Variants in SMAP1 observed in about 807,000 individuals in gnomAD.
The protein encoded by SMAP1 is small ArfGAP 1, also known as stromal membrane-associated protein 1.
SMAP1 carries 24 observed loss-of-function variants against 58.5 expected under a neutral mutation model. The observed-to-expected ratio is 0.41, with a 90% CI of 0.30 to 0.58. The LOEUF (loss-of-function observed/expected upper bound fraction) is 0.58, where lower values mean the gene tolerates loss of function less well. Ranked by LOEUF, SMAP1 falls within the 20% of genes least tolerant of loss-of-function variation. The pLI is 0.29. For synonymous variants in SMAP1, 216 were observed against 196.6 expected, an observed-to-expected ratio of 1.10 and a Z score of -0.82; for missense variants, 563 against 566.3, an observed-to-expected ratio of 0.99 and a Z score of 0.06.
intron 1 of SMAP1, among the ~76,000 whole-genome samples, chr6:70,714,017 G>C (rs897992433): frequency 1.3e-5 from 2 of 152,158 alleles, no homozygotes; most frequent in Non-Finnish European, 2.9e-5. Flanking sequence ...TCTAGAGACA[G>C]TTTTTGACTT....
chr6:70,800,169 G>C (rs1768782977), intron 6 of SMAP1, among the ~76,000 whole-genome samples: 1 of 151,998 alleles, frequency 6.6e-6, no homozygotes, highest in Non-Finnish European at 1.5e-5. Flanking sequence ...GTAGTCCCCA[G>C]CTACTTGGGA....
chr6:70,780,000 A>G (rs1315310639), intron 4 of SMAP1, among the ~76,000 whole-genome samples: 1 of 152,168 alleles, frequency 6.6e-6, no homozygotes, highest in Non-Finnish European at 1.5e-5. Flanking sequence ...TTATAGTGGC[A>G]AGTGAGTTGA....
chr6:70,675,989 A>G (rs1036021779), intron 1 of SMAP1, among the ~76,000 whole-genome samples: 3 of 152,334 alleles, frequency 2.0e-5, no homozygotes, highest in South Asian at 4.1e-4. Context: ...CAGTCTCCCT[A>G]ATAACCTTTG....
intron 6 of SMAP1, among the ~76,000 whole-genome samples, chr6:70,820,309 A>G (rs1207754380): frequency 6.6e-6 from 1 of 152,198 alleles, no homozygotes; most frequent in Admixed American, 6.5e-5. Flanking sequence ...GGTAATAGTC[A>G]TAATTGATGT....
intron 2 of SMAP1, among the ~76,000 whole-genome samples, chr6:70,744,744 C>A (rs566797572): frequency 1.3e-5 from 2 of 152,328 alleles, no homozygotes; most frequent in South Asian, 4.1e-4. Flanking sequence ...TGGGGAATTG[C>A]CACACTGTCT....
Position 70,837,078 on chromosome 6 carries a change from A to G in SMAP1, c.664+50A>G, listed in dbSNP as rs746871207. The G allele has an allele frequency of 2.9e-6, 4 of 1,359,190 alleles. No homozygotes were observed. The East Asian group carries it at 1.0e-4, about 35-fold the overall frequency. 84.2% of individuals were successfully genotyped at this position (1,359,190 alleles called of 1,614,324 possible). The stretch of plus-strand genomic sequence containing the variant: ...CTGCTGGAGTTACAAAACAATTGAA[A>G]CCTTTACTTGGAGTGAATATAATGG... On this transcript the variant is annotated intron_variant, in intron 7 of 10. Transcript: ENST00000370455.
At chr6:70,795,266 GGAAGTCAAACTTCTTT>G (rs1256494032) in intron 5 of SMAP1, among the ~76,000 whole-genome samples, 1 of 152,166 alleles carries the variant, frequency 6.6e-6, no homozygotes, top group Non-Finnish European at 1.5e-5. Context: ...ATGGTGATTA[GGAAGTCAAACTTCTTT>G]CCTACTCATG....
At chr6:70,730,035 A>G (rs1484903572) in intron 1 of SMAP1, among the ~76,000 whole-genome samples, 1 of 152,124 alleles carries the variant, frequency 6.6e-6, no homozygotes, top group Non-Finnish European at 1.5e-5. Flanking sequence ...TCTAGAATTC[A>G]CTGTGCATTT....
intron 2 of SMAP1, among the ~76,000 whole-genome samples, chr6:70,740,316 T>C (rs553904654): frequency 6.6e-6 from 1 of 152,092 alleles, no homozygotes; most frequent in Non-Finnish European, 1.5e-5. Context: ...TCCCAGCAAT[T>C]TGGGAGGCCA....
At chr6:70,763,180 A>G (rs1343780479) in intron 3 of SMAP1, among the ~76,000 whole-genome samples, 1 of 132,950 alleles carries the variant, frequency 7.5e-6, no homozygotes, top group African/African-American at 2.9e-5. Flanking sequence ...TGTTGGCGCC[A>G]TATTTTCCAA....
rs374075376 is a variant in SMAP1, at chr6:70,858,186, T to C, written c.1226T>C (p.Phe409Ser). The C allele has an allele frequency of 1.2e-5, 20 of 1,613,618 alleles. No individual in the cohort carries two copies. Among genetic ancestry groups the C allele is most frequent in the South Asian group, 3.3e-5 (3 of 91,060 alleles). The change falls in exon 10 of 11, where the codon TTT becomes TCT. Residue 409 changes from phenylalanine (F) to serine (S), a missense_variant. Physicochemically the swap from Phe to Ser is radical, Grantham distance 155. Transcript: ENST00000370455. ...CAAATGGGTGCACCCCAGAGTAAGT[T>C]TGGCCTGCCGCAAGCTCAGCAGCCC... ...VGQMGAPQSK[F>S]GLPQAQQPQW...
At chr6:70,859,691 A>T (rs1050183721) in intron 10 of SMAP1, 2 of 227,712 alleles carry the variant, frequency 8.8e-6, no homozygotes, top group South Asian at 2.9e-4. Context: ...ATGTAATCTT[A>T]TGCTTTATTG....
chr6:70,709,931 C>T (rs760374721), intron 1 of SMAP1, among the ~76,000 whole-genome samples: 1 of 117,548 alleles, frequency 8.5e-6, no homozygotes, highest in Admixed American at 8.4e-5. Flanking sequence ...AAATTTATTC[C>T]TAACTTCAGT....
chr6:70,832,076 A>G (rs1450560345), intron 6 of SMAP1, among the ~76,000 whole-genome samples: 2 of 152,048 alleles, frequency 1.3e-5, no homozygotes, highest in Non-Finnish European at 2.9e-5. Context: ...TCTTTTGAAA[A>G]GCGCTTATGT....
intron 7 of SMAP1, among the ~76,000 whole-genome samples, chr6:70,846,325 G>A (rs1770987104): frequency 6.6e-6 from 1 of 152,132 alleles, no homozygotes; most frequent in South Asian, 2.1e-4. Flanking sequence ...TATTGAGTAT[G>A]TGCCTTAATC....
At chr6:70,859,965 A>T in intron 10 of SMAP1, 3 of 380,454 alleles carry the variant, frequency 7.9e-6, no homozygotes, top group Non-Finnish European at 1.4e-5. Context: ...TTGCTTTGGT[A>T]TTTTTTTTTA....
intron 3 of SMAP1, among the ~76,000 whole-genome samples, chr6:70,759,653 T>C (rs1301157093): frequency 6.6e-6 from 1 of 152,112 alleles, no homozygotes; most frequent in Non-Finnish European, 1.5e-5. Context: ...ACCACCAATT[T>C]TATGATGCAC....
intron 2 of SMAP1, among the ~76,000 whole-genome samples, chr6:70,744,172 TC>T (rs1292062291): frequency 2.3e-5 from 3 of 130,888 alleles, no homozygotes. Flanking sequence ...AACTCCTAAT[TC>T]TTTTTTTTTT....
chr6:70,783,307 A>T (rs978972066), intron 4 of SMAP1, among the ~76,000 whole-genome samples: 33 of 152,360 alleles, frequency 2.2e-4, no homozygotes, highest in Middle Eastern at 3.4e-3. Flanking sequence ...TCTGTACGTC[A>T]CCATCATCAA....
Sources: gnomAD v4.1 joint callset for allele counts (sites outside exome capture counted in the v4.1 genomes callset) on GRCh38, gnomAD v4.1.1 for gene constraint, MANE v1.5 for transcripts, NCBI Gene and HGNC (gene_info 2026-07-23, HGNC 2026-07-21) for gene names.